Variants in MMP16 observed in about 807,000 individuals in gnomAD.
The protein encoded by MMP16 is matrix metallopeptidase 16, also known as matrix metalloproteinase-16.
Under a neutral mutation model 67.8 loss-of-function variants are expected in MMP16, and 12 were observed. The ratio of observed to expected loss-of-function variants is 0.18; its 90% CI spans 0.11 to 0.29. MMP16 has a LOEUF of 0.29. Among genes scored for constraint, MMP16 ranks in the 10% least tolerant of loss-of-function variants. MMP16 has a pLI of 1.00. For synonymous variants in MMP16, 249 were observed against 255.9 expected, an observed-to-expected ratio of 0.97 and a Z score of 0.26; for missense variants, 475 against 765.7, an observed-to-expected ratio of 0.62 and a Z score of 4.48.
intron 1 of MMP16, among the ~76,000 whole-genome samples, chr8:88,250,797 T>C (rs1189665394): frequency 6.6e-6 from 1 of 151,696 alleles, no homozygotes; most frequent in Non-Finnish European, 1.5e-5. Context: ...TTTATTATAC[T>C]TTAAGTTTTA....
rs1809904188 is a variant in MMP16 at position 88,234,060 on chromosome 8, T to C, written c.133-36754A>G. Among the ~76,000 whole-genome samples, 4 of 152,332 alleles carry C rather than the reference T, an allele frequency of 2.6e-5. No individual in the cohort carries two copies. In the South Asian group the frequency reaches 8.3e-4, roughly 32 times the overall value. On this transcript the variant is annotated intron_variant, in intron 1 of 9. Coordinates refer to ENST00000286614, the MANE Select transcript of MMP16 (RefSeq NM_005941.5). The stretch of plus-strand genomic sequence containing the variant: ...TTTTTTCAAAAAAAGAACCTAGCAA[T>C]GAATCATTAAATCAGTGTTTCATTA...
chr8:88,055,240 C>T (rs1808317045), intron 8 of MMP16, among the ~76,000 whole-genome samples: 1 of 152,054 alleles, frequency 6.6e-6, no homozygotes, highest in South Asian at 2.1e-4. Context: ...CAGGGTCGCA[C>T]TCTGTTGTCC....
chr8:88,077,676 T>C (rs1354982896), intron 6 of MMP16, among the ~76,000 whole-genome samples: 1 of 152,164 alleles, frequency 6.6e-6, no homozygotes, highest in Non-Finnish European at 1.5e-5. Context: ...AAACAAAATG[T>C]GAAGAGAAAA....
intron 7 of MMP16, among the ~76,000 whole-genome samples, chr8:88,071,873 T>C (rs1169663183): frequency 1.3e-5 from 2 of 152,096 alleles, no homozygotes; most frequent in Non-Finnish European, 2.9e-5. Context: ...AGAGACCATA[T>C]GGGCTGCAAA....
In MMP16 at chr8:88,066,624, A is replaced by C. The variant is rs190760375; in HGVS notation, c.1222+7981T>G. On this transcript the variant is annotated intron_variant, in intron 7 of 9. Coordinates refer to ENST00000286614, the MANE Select transcript of MMP16 (RefSeq NM_005941.5). ...CAGTAAGAAAGCCCTGTGGGTTTGT[A>C]CATCTACACTCTCACTCAACAGCAA... is the stretch of plus-strand genomic sequence containing the variant. Among the ~76,000 whole-genome samples the C allele has an allele frequency of 8.6e-4, 131 of 151,966 alleles. 1 individual carries two copies. Among genetic ancestry groups the C allele is most frequent in the African/African-American group, 3.0e-3 (124 of 41,334 alleles).
Position 88,272,492 on chromosome 8 carries a change from T to A in MMP16, c.132+54583A>T, listed in dbSNP as rs138983187. On this transcript the variant is annotated intron_variant, in intron 1 of 9. Coordinates refer to ENST00000286614, the MANE Select transcript of MMP16 (RefSeq NM_005941.5). ...TAAACAGTGAAAGGTAGTACACATG[T>A]GATTAGGAGAGGGCTAAAACCTGAG... Among the ~76,000 whole-genome samples the A allele has an allele frequency of 4.0e-3, 593 of 149,352 alleles. 3 individuals are homozygous for A. Among genetic ancestry groups the A allele is most frequent in the African/African-American group, 0.014 (577 of 40,992 alleles).
chr8:88,325,396 T>C (rs572467616), intron 1 of MMP16, among the ~76,000 whole-genome samples: 5 of 152,210 alleles, frequency 3.3e-5, no homozygotes, highest in Admixed American at 6.5e-5. Flanking sequence ...GTCCTTCCCT[T>C]CCCTTATTCA....
intron 1 of MMP16, among the ~76,000 whole-genome samples, chr8:88,281,907 G>C (rs1255602716): frequency 6.6e-6 from 1 of 152,054 alleles, no homozygotes. Context: ...GCTCTTCTAT[G>C]TCCACAAGCC....
At chr8:88,275,162 G>C (rs536917828) in intron 1 of MMP16, among the ~76,000 whole-genome samples, 3 of 151,948 alleles carry the variant, frequency 2.0e-5, no homozygotes, top group Non-Finnish European at 4.4e-5. Context: ...AAAAAGCTAT[G>C]AGGATCAAAT....
rs536609180 is a variant in MMP16 at position 88,059,833 on chromosome 8, C to T, written c.1223-3555G>A. 5.3e-5 allele frequency among the ~76,000 whole-genome samples: 8 copies of T among 151,634 alleles called. No homozygotes were observed. The East Asian group carries it at 5.8e-4, about 11-fold the overall frequency. On this transcript the variant is annotated intron_variant, in intron 7 of 9. Coordinates refer to ENST00000286614, the MANE Select transcript of MMP16 (RefSeq NM_005941.5). ...CTTGGGAAGATGACCCAGAGAACAC[C>T]GAGAGATTTTCCCTCTAAGCAGGGG...
At chr8:88,115,507 T>C (rs1245411968) in intron 6 of MMP16, among the ~76,000 whole-genome samples, 1 of 152,078 alleles carries the variant, frequency 6.6e-6, no homozygotes, top group East Asian at 1.9e-4. Flanking sequence ...CGAATCCAGA[T>C]CTTATTTTTC....
intron 1 of MMP16, among the ~76,000 whole-genome samples, chr8:88,218,265 A>G (rs543270901): frequency 5.3e-5 from 8 of 151,968 alleles, no homozygotes; most frequent in East Asian, 1.9e-4. Context: ...GCATCATTCT[A>G]ATGATGCACA....
chr8:88,119,599 A>T (rs1807785403), intron 4 of MMP16, among the ~76,000 whole-genome samples: 1 of 151,998 alleles, frequency 6.6e-6, no homozygotes, highest in Admixed American at 6.6e-5. Flanking sequence ...TATTGAGTAA[A>T]AACTCTGCAG....
chr8:88,251,340 A>C (rs923360773), intron 1 of MMP16, among the ~76,000 whole-genome samples: 2 of 151,264 alleles, frequency 1.3e-5, no homozygotes, highest in African/African-American at 4.9e-5. Context: ...ATAATGCCGC[A>C]TATCTACAAC....
chr8:88,170,497 A>T (rs1485558853), intron 3 of MMP16, among the ~76,000 whole-genome samples: 5 of 152,142 alleles, frequency 3.3e-5, no homozygotes, highest in Non-Finnish European at 5.9e-5. Context: ...GGGATTTCAG[A>T]ACTCCCTCAT....
intron 4 of MMP16, among the ~76,000 whole-genome samples, chr8:88,147,585 C>T (rs954215831): frequency 4.0e-5 from 6 of 151,858 alleles, no homozygotes; most frequent in Admixed American, 3.3e-4. Flanking sequence ...TCATCCTAAC[C>T]TTGGAAAGAG....
intron 1 of MMP16, among the ~76,000 whole-genome samples, chr8:88,241,215 G>T (rs1810028710): frequency 6.6e-6 from 1 of 151,848 alleles, no homozygotes; most frequent in African/African-American, 2.4e-5. Flanking sequence ...TGTAGTGATT[G>T]CACCTCCATT....
At chr8:88,254,404 T>A (rs1382420311) in intron 1 of MMP16, among the ~76,000 whole-genome samples, 1 of 151,076 alleles carries the variant, frequency 6.6e-6, no homozygotes, top group Non-Finnish European at 1.5e-5. Flanking sequence ...CAAACTTCCA[T>A]GACACAAGTT....
chr8:88,251,439 T>C (rs1282352823), intron 1 of MMP16, among the ~76,000 whole-genome samples: 12 of 146,662 alleles, frequency 8.2e-5, no homozygotes, highest in South Asian at 4.4e-4. Context: ...TGGCTAGCCA[T>C]ATGTAGAAAG....
Sources: allele counts gnomAD v4.1 joint callset (sites outside exome capture counted in the v4.1 genomes callset), GRCh38; gene constraint gnomAD v4.1.1; transcripts MANE v1.5; gene names NCBI Gene and HGNC (gene_info 2026-07-23, HGNC 2026-07-21).